The following DYSF variants were observed in gnomAD, a reference collection of about 807,000 sequenced individuals.
DYSF encodes the protein dystrophy-associated fer-1-like 1.
DYSF carries 212 observed loss-of-function variants against 274.9 expected under a neutral mutation model. The observed-to-expected ratio is 0.77, with a 90% CI of 0.69 to 0.86. The LOEUF (loss-of-function observed/expected upper bound fraction) is 0.86. Ranked by LOEUF, DYSF falls within the 40% of genes least tolerant of loss-of-function variation. The pLI is 0.00. For missense variants in DYSF, 2,666 were observed against 2,783.2 expected, an observed-to-expected ratio of 0.96 and a Z score of 0.95; for synonymous variants, 1,091 against 1,078.7, an observed-to-expected ratio of 1.01 and a Z score of -0.22.
intron 50 of DYSF, 132 bp downstream of exon 50, chr2:71,669,339 G>C: frequency 1.1e-6 from 1 of 916,938 alleles, no homozygotes. Context: ...GGCTCCTGGG[G>C]GTGGTCCCTG....
At chr2:71,470,666 T>C (rs1573312758) in intron 1 of DYSF, among the ~76,000 whole-genome samples, 5 of 100,994 alleles carry the variant, frequency 5.0e-5, no homozygotes, top group African/African-American at 8.2e-5. Flanking sequence ...AGAGTGAGAC[T>C]CCATCTCAAA....
chr2:71,482,452 A>G (rs1393587106), intron 3 of DYSF, among the ~76,000 whole-genome samples: 1 of 152,132 alleles, frequency 6.6e-6, no homozygotes, highest in Non-Finnish European at 1.5e-5. Flanking sequence ...TGGTTTAGAA[A>G]TCAGAACAGT....
intron 17 of DYSF, among the ~76,000 whole-genome samples, chr2:71,543,855 AGAGAGG>A (rs1435415331): frequency 6.9e-6 from 1 of 145,474 alleles, no homozygotes; most frequent in Non-Finnish European, 1.5e-5. Context: ...GACCGTGGAA[AGAGAGG>A]GAGAGGGAGA....
At chr2:71,648,325 A>T (rs181368527) in intron 42 of DYSF, among the ~76,000 whole-genome samples, 1 of 152,312 alleles carries the variant, frequency 6.6e-6, no homozygotes, top group Non-Finnish European at 1.5e-5. Context: ...AAAGAAAGAG[A>T]TGAAAACGTG....
At chr2:71,491,586 G>GT in intron 3 of DYSF, among the ~76,000 whole-genome samples, 1 of 152,150 alleles carries the variant, frequency 6.6e-6, no homozygotes, top group East Asian at 1.9e-4. Context: ...CCTCTGAAAG[G>GT]TCCCAGTGTG....
At chr2:71,517,337 C>T (rs1192911571) in intron 10 of DYSF, among the ~76,000 whole-genome samples, 1 of 152,190 alleles carries the variant, frequency 6.6e-6, no homozygotes, top group Non-Finnish European at 1.5e-5. Flanking sequence ...AGAAATCTCA[C>T]GCTAATTTAG....
intron 22 of DYSF, among the ~76,000 whole-genome samples, chr2:71,561,070 C>T (rs2091720795): frequency 6.6e-6 from 1 of 152,136 alleles, no homozygotes. Context: ...GAGTTCTTTG[C>T]CTCTAAACAG....
chr2:71,474,623 T>C (rs2082268313), intron 1 of DYSF, among the ~76,000 whole-genome samples: 1 of 152,252 alleles, frequency 6.6e-6, no homozygotes, highest in East Asian at 1.9e-4. Context: ...TTCGTTTCTT[T>C]CTTTCTCCTC....
chr2:71,679,372 C>G lies in DYSF; in HGVS notation c.6063+137C>G, dbSNP rs111640959. The G allele has an allele frequency of 1.6e-3, 1,425 of 877,868 alleles. 3 individuals carry two copies. Among genetic ancestry groups the G allele is most frequent in the Non-Finnish European group, 2.0e-3 (1,128 of 574,840 alleles). The allele number at this position is 877,868 out of a possible 1,614,324, so 54.4% of individuals were successfully genotyped here. A position where few individuals can be genotyped will look rare whatever the true frequency, so the allele number is the denominator to read the frequency against. ...TCCCCCTCTCCTGCCCCCATCCCCC[C>G]TCTCTCTCTATTTTCCAAGGCATTC... On this transcript the variant is annotated intron_variant, in intron 53 of 55. Transcript: ENST00000410020.
chr2:71,564,244 G>A (rs376475268), intron 24 of DYSF, 31 bp downstream of exon 24: 12 of 1,613,834 alleles, frequency 7.4e-6, no homozygotes, highest in African/African-American at 1.3e-5. Flanking sequence ...AGTCATGATC[G>A]TATTTTTCCC....
intron 22 of DYSF, 67 bp downstream of exon 22, chr2:71,556,138 T>C (rs2091322319): frequency 5.3e-6 from 7 of 1,333,248 alleles, no homozygotes; most frequent in South Asian, 1.3e-5. Context: ...TCGCTGGGAG[T>C]GCTCGTGTGT....
rs1235452257 is a variant in DYSF at position 71,679,114 on chromosome 2, G to A, written c.5942G>A (p.Cys1981Tyr). 1 of 1,614,040 alleles carries A rather than the reference G, an allele frequency of 6.2e-7. No homozygotes were observed. Among genetic ancestry groups the A allele is most frequent in the South Asian group, 1.1e-5 (1 of 91,064 alleles). ...MPKPAKTAKK[C>Y]SLDQLDDAFH... The stretch of plus-strand genomic sequence containing the variant: ...AAGCCAGCCAAGACAGCCAAGAAGT[G>A]CTCCTTGGACCAGCTGGATGATGCT... Residue 1981 changes from cysteine to tyrosine, a missense_variant, in exon 53 of 56, where the codon TGC becomes TAC. Cys to Tyr is a radical substitution (Grantham distance 194). Transcript: ENST00000410020.
chr2:71,578,384 C>A (rs1188512168), intron 30 of DYSF, among the ~76,000 whole-genome samples: 1 of 152,142 alleles, frequency 6.6e-6, no homozygotes, highest in Non-Finnish European at 1.5e-5. Flanking sequence ...GGCAAGATGA[C>A]ATGTTCTCCC....
At chr2:71,549,264 G>C (rs370245865) in intron 17 of DYSF, 1 of 1,349,904 alleles carries the variant, frequency 7.4e-7, no homozygotes, top group Non-Finnish European at 1.0e-6. Context: ...CTGCCTGCCA[G>C]CTCTCCATCC....
chr2:71,485,486 G>A (rs1028000519), intron 3 of DYSF, among the ~76,000 whole-genome samples: 4 of 152,208 alleles, frequency 2.6e-5, no homozygotes, highest in African/African-American at 9.6e-5. Context: ...AACCCGGGAA[G>A]CAGAGGTTGC....
At position 71,655,429 on chromosome 2, in the gene DYSF, T is replaced by A. The variant is rs114813227; in HGVS notation, c.4627-733T>A. Among the ~76,000 whole-genome samples, 925 of 152,318 alleles carry A rather than the reference T, an allele frequency of 6.1e-3. 3 individuals carry two copies. Among genetic ancestry groups the A allele is most frequent in the Middle Eastern group, 0.027 (8 of 294 alleles). On this transcript the variant is annotated intron_variant, in intron 42 of 55. Transcript: ENST00000410020. ...GAAAGATGATTTCAGATATGACGAA[T>A]TTAGCATGTATGTTAACCTGTTTAA...
In DYSF at chr2:71,569,269, A is replaced by C. The variant is rs192100584; in HGVS notation, c.2865-551A>C. Reference sequence around the variant, plus strand: ...AGGACAAGCCCATCACCTCCTCTGCACGTGAACCCTTCTCGTGTCTGGGCT... The same window carrying C: ...AGGACAAGCCCATCACCTCCTCTGCCCGTGAACCCTTCTCGTGTCTGGGCT... On this transcript the variant is annotated intron_variant, in intron 26 of 55. Transcript: ENST00000410020. Among the ~76,000 whole-genome samples, 164 of 152,306 alleles carry C rather than the reference A, an allele frequency of 1.1e-3. 2 individuals are homozygous for C. The highest frequency in any genetic ancestry group is 9.6e-3 in the Admixed American group (147 of 15,302).
At position 71,656,257 on chromosome 2, in the gene DYSF, G is replaced by T. The variant is rs768208975; in HGVS notation, c.4722G>T (p.Glu1574Asp). Reference sequence around the variant, plus strand: ...TGTACCGGGGCAAGACGCAGGAGGAGACAGAAGATCCATCTGTGATTGGTG... The same window carrying T: ...TGTACCGGGGCAAGACGCAGGAGGATACAGAAGATCCATCTGTGATTGGTG... Reference protein sequence around the residue: ...FKLYRGKTQEETEDPSVIGEF... With the variant: ...FKLYRGKTQEDTEDPSVIGEF... The change falls in exon 43 of 56, where the codon GAG becomes GAT. Residue 1574 changes from glutamate to aspartate, a missense_variant. Around this residue, in one of 3 missense-constraint regions of DYSF, gnomAD observed 1,460 missense variants for 1,502.1 expected, o/e 0.97. Coordinates refer to ENST00000410020, the MANE Select transcript of DYSF (RefSeq NM_001130987.2). 6.2e-7 allele frequency: 1 copy of T among 1,614,128 alleles called. No individual in the cohort carries two copies. Among genetic ancestry groups the T allele is most frequent in the African/African-American group, 1.3e-5 (1 of 74,944 alleles).
At chr2:71,529,347 G>A (rs1241366587) in intron 14 of DYSF, among the ~76,000 whole-genome samples, 2 of 152,160 alleles carry the variant, frequency 1.3e-5, no homozygotes, top group African/African-American at 4.8e-5. Flanking sequence ...CTCAACTCAT[G>A]GCATTGAATT....
Sources: gnomAD v4.1 joint callset for allele counts (sites outside exome capture counted in the v4.1 genomes callset) on GRCh38, gnomAD v4.1.1 for gene constraint, gnomAD v4.1.1 regional missense constraint, MANE v1.5 for transcripts, NCBI Gene and HGNC (gene_info 2026-07-23, HGNC 2026-07-21) for gene names.